Variants in MTNAP1 observed in about 807,000 individuals in gnomAD.
MTNAP1 encodes mitochondrial nucleoid associated protein 1, also known as mitochondrial nucleoid-associated protein 1.
chr17:73,239,224 C>T, the MTNAP1 span, among the ~76,000 whole-genome samples: 2 of 152,078 alleles, frequency 1.3e-5, no homozygotes, highest in South Asian at 2.1e-4. Context: ...GTGTGAACCA[C>T]CGTGTCCAGC....
chr17:73,241,448 G>A, the MTNAP1 span, among the ~76,000 whole-genome samples: 283 of 152,136 alleles, frequency 1.9e-3, 3 homozygotes, highest in Non-Finnish European at 1.4e-3. Context: ...GTGAGCCACC[G>A]CGCCCGGCCT....
the MTNAP1 span, chr17:73,232,546 T>C: frequency 4.9e-5 from 22 of 445,376 alleles, no homozygotes; most frequent in East Asian, 7.8e-4. Flanking sequence ...CATAATAATA[T>C]CATACAAGTA....
chr17:73,243,670 AGG>A, the MTNAP1 span, among the ~76,000 whole-genome samples: 2 of 151,706 alleles, frequency 1.3e-5, no homozygotes, highest in African/African-American at 4.8e-5. Flanking sequence ...CTGGGACTAC[AGG>A]TGTGTGTCAC....
the MTNAP1 span, chr17:73,243,149 G>C: frequency 1.4e-6 from 1 of 709,350 alleles, no homozygotes; most frequent in African/African-American, 1.8e-5. Context: ...CTATTGCCTG[G>C]GGTTTCTGGG....
chr17:73,247,175 C>G, the MTNAP1 span: 1 of 1,404,394 alleles, frequency 7.1e-7, no homozygotes, highest in Middle Eastern at 2.0e-4. Context: ...ACAGCAAAGT[C>G]GAGTAGTTGC....
At chr17:73,234,463 C>T in the MTNAP1 span, among the ~76,000 whole-genome samples, 6 of 151,338 alleles carry the variant, frequency 4.0e-5, no homozygotes, top group East Asian at 7.8e-4. Flanking sequence ...AGGCCGAAGG[C>T]GGGCAGATCA....
chr17:73,237,689 G>T, the MTNAP1 span, among the ~76,000 whole-genome samples: 3 of 152,132 alleles, frequency 2.0e-5, no homozygotes, highest in African/African-American at 7.2e-5. Context: ...AATCCAGTCA[G>T]GACCAGGTTG....
chr17:73,242,508 G>GT, the MTNAP1 span, among the ~76,000 whole-genome samples: 2 of 110,468 alleles, frequency 1.8e-5, no homozygotes, highest in Non-Finnish European at 4.1e-5. Flanking sequence ...TCATTTTGGA[G>GT]TTGGACATAA....
chr17:73,243,548 CTTTTT>C, the MTNAP1 span, among the ~76,000 whole-genome samples: 1 of 135,070 alleles, frequency 7.4e-6, no homozygotes. Flanking sequence ...TTCATGTTGT[CTTTTT>C]TTTTTTTTTT....
At chr17:73,235,639 A>G in the MTNAP1 span, 1 of 1,614,218 alleles carries the variant, frequency 6.2e-7, no homozygotes, top group Non-Finnish European at 8.5e-7. Context: ...CCCACGTGCT[A>G]AAAAGATGAA....
chr17:73,238,759 C>T, the MTNAP1 span, among the ~76,000 whole-genome samples: 1 of 152,090 alleles, frequency 6.6e-6, no homozygotes, highest in Non-Finnish European at 1.5e-5. Flanking sequence ...ATGAAACAGG[C>T]ACAGAGAGCA....
chr17:73,248,807 G>T, the MTNAP1 span: 1 of 383,846 alleles, frequency 2.6e-6, no homozygotes, highest in Non-Finnish European at 4.7e-6. Context: ...AGTTTACTTG[G>T]GAATGTGTAG....
At chr17:73,247,332 T>A in the MTNAP1 span, 2 of 1,614,118 alleles carry the variant, frequency 1.2e-6, no homozygotes, top group Non-Finnish European at 1.7e-6. Context: ...CTAAAACATG[T>A]TTGGATTAGG....
At chr17:73,239,498 G>A in the MTNAP1 span, among the ~76,000 whole-genome samples, 2 of 149,224 alleles carry the variant, frequency 1.3e-5, no homozygotes, top group South Asian at 4.3e-4. Flanking sequence ...TATTCCTCTT[G>A]AGGAATCTGA....
the MTNAP1 span, chr17:73,242,836 C>T: frequency 5.1e-6 from 7 of 1,366,266 alleles, no homozygotes; most frequent in African/African-American, 4.3e-5. Flanking sequence ...TTGAATGACT[C>T]GCGGATACTG....
the MTNAP1 span, among the ~76,000 whole-genome samples, chr17:73,240,730 G>A: frequency 2.0e-5 from 3 of 152,188 alleles, no homozygotes; most frequent in Non-Finnish European, 2.9e-5. Context: ...TTAACTGCAG[G>A]TCAGGACAGT....
the MTNAP1 span, among the ~76,000 whole-genome samples, chr17:73,235,159 G>A: frequency 1.3e-5 from 2 of 152,088 alleles, no homozygotes; most frequent in Non-Finnish European, 2.9e-5. Context: ...GGCGGAGTTT[G>A]CAGTGAGCAG....
At chr17:73,235,416 G>A in the MTNAP1 span, 9 of 1,365,432 alleles carry the variant, frequency 6.6e-6, no homozygotes, top group Admixed American at 2.1e-4. Context: ...CAACACATAA[G>A]TAAAATATTG....
the MTNAP1 span, among the ~76,000 whole-genome samples, chr17:73,240,847 T>C: frequency 6.8e-6 from 1 of 147,916 alleles, no homozygotes; most frequent in Non-Finnish European, 1.5e-5. Flanking sequence ...TTACACCGTT[T>C]TCCTCAAATT....
Sources: allele counts gnomAD v4.1 joint callset (sites outside exome capture counted in the v4.1 genomes callset), GRCh38; gene constraint gnomAD v4.1.1; transcripts MANE v1.5; gene names NCBI Gene and HGNC (gene_info 2026-07-23, HGNC 2026-07-21).